The following JDP2 variants were observed in gnomAD, a reference collection of about 807,000 sequenced individuals.
JDP2 encodes the protein Jun dimerization protein 2.
A neutral mutation model predicts 17.1 loss-of-function variants in JDP2; 9 were observed. That is an observed-to-expected ratio of 0.53 (90% confidence interval 0.32 to 0.92). The LOEUF (loss-of-function observed/expected upper bound fraction) is 0.92. Among genes scored for constraint, JDP2 ranks in the 40% least tolerant of loss-of-function variants. The pLI is 0.04. For missense variants in JDP2, 179 were observed against 220.0 expected (o/e 0.81, Z 1.18); for synonymous variants, 107 against 95.6 (o/e 1.12, Z -0.69).
chr14:75,461,387 C>T, intron 2 of JDP2, 39 bp from the exon 3 acceptor site: 2 of 1,484,602 alleles, frequency 1.3e-6, no homozygotes, highest in African/African-American at 1.4e-5. Context: ...TACTCCAAGC[C>T]TGCCTCAGTG....
intron 2 of JDP2, among the ~76,000 whole-genome samples, chr14:75,451,424 G>C (rs61978925): frequency 0.012 from 1,864 of 152,288 alleles, 15 homozygotes; most frequent in South Asian, 0.04. Flanking sequence ...GAGGCAGGTA[G>C]TGAGCCCTCA....
At chr14:75,448,674 C>G (rs985132691) in intron 2 of JDP2, among the ~76,000 whole-genome samples, 1 of 152,202 alleles carries the variant, frequency 6.6e-6, no homozygotes, top group Admixed American at 6.5e-5. Context: ...ATTGCCACGT[C>G]CACGCCCTAA....
intron 3 of JDP2, 115 bp from the exon 4 acceptor site, chr14:75,469,175 C>G: frequency 1.1e-6 from 1 of 927,332 alleles, no homozygotes; most frequent in Non-Finnish European, 1.6e-6. Flanking sequence ...GTGCTTCTTC[C>G]TGCAGAAAAC....
chr14:75,434,067 C>G (rs907437741), intron 1 of JDP2, among the ~76,000 whole-genome samples: 3 of 152,214 alleles, frequency 2.0e-5, no homozygotes, highest in Non-Finnish European at 1.5e-5. Context: ...CTCTTGTCAT[C>G]TTTCCTAAGT....
At position 75,453,031 on chromosome 14, in the gene JDP2, C is replaced by G. The variant is rs988057667; in HGVS notation, c.202-8395C>G. ...GGAGGGCCTGGCCCCTGCAGGCTGCCGGGGGTCAGCAAGGGAGTTGGCTGA... is the reference window on the plus strand; with the variant it reads ...GGAGGGCCTGGCCCCTGCAGGCTGCGGGGGGTCAGCAAGGGAGTTGGCTGA... On this transcript the variant is annotated intron_variant, in intron 2 of 3. Coordinates refer to ENST00000651602, the MANE Select transcript of JDP2 (RefSeq NM_001135048.2). 1.6e-4 allele frequency among the ~76,000 whole-genome samples: 25 copies of G among 152,232 alleles called. 3 individuals carry two copies. The highest frequency in any genetic ancestry group is 1.3e-3 in the Admixed American group (20 of 15,298).
At chr14:75,465,841 T>C (rs530671632) in intron 3 of JDP2, among the ~76,000 whole-genome samples, 23 of 152,342 alleles carry the variant, frequency 1.5e-4, no homozygotes, top group African/African-American at 5.1e-4. Context: ...AATTCTATTC[T>C]AAAACAACAA....
At chr14:75,435,766 A>G (rs1472949917) in intron 1 of JDP2, among the ~76,000 whole-genome samples, 1 of 152,196 alleles carries the variant, frequency 6.6e-6, no homozygotes, top group Non-Finnish European at 1.5e-5. Context: ...CTGATGGCCC[A>G]GGGGACACGG....
At chr14:75,454,236 T>C (rs1447887921) in intron 2 of JDP2, among the ~76,000 whole-genome samples, 33 of 152,146 alleles carry the variant, frequency 2.2e-4, no homozygotes, top group Admixed American at 2.2e-3. Context: ...AATAACGTTT[T>C]TTAAAACATG....
chr14:75,440,463 C>T (rs143790619), intron 2 of JDP2, among the ~76,000 whole-genome samples: 24 of 152,312 alleles, frequency 1.6e-4, no homozygotes, highest in African/African-American at 4.1e-4. Flanking sequence ...CTGCCTTGAG[C>T]GGATTTTCAT....
rs138557201 is a variant in JDP2 at position 75,437,819 on chromosome 14, C to G, written c.-23-79C>G. On this transcript the variant is annotated intron_variant, in intron 1 of 3. Transcript: ENST00000651602. ...GAACATTGGTGAAAGAAGCCACAGT[C>G]CTGGCAAGACGAGGGACTTGAGCCC... 708 of 978,510 alleles carry G rather than the reference C, an allele frequency of 7.2e-4. 7 individuals carry two copies. The African/African-American group carries it at 0.011, about 15-fold the overall frequency. The allele number at this position is 978,510 out of a possible 1,614,324, so 60.6% of individuals were successfully genotyped here. A position where few individuals can be genotyped will look rare whatever the true frequency, so the allele number is the denominator to read the frequency against.
At chr14:75,453,567 C>T (rs539083711) in intron 2 of JDP2, among the ~76,000 whole-genome samples, 1 of 152,366 alleles carries the variant, frequency 6.6e-6, no homozygotes, top group Admixed American at 6.5e-5. Context: ...GGAACTCTTC[C>T]TGTGCTCCCG....
chr14:75,449,575 C>A (rs60817395), intron 2 of JDP2, among the ~76,000 whole-genome samples: 3 of 152,160 alleles, frequency 2.0e-5, no homozygotes, highest in Non-Finnish European at 4.4e-5. Flanking sequence ...GCCACCATTT[C>A]TCTCCTTTTC....
intron 1 of JDP2, among the ~76,000 whole-genome samples, chr14:75,433,971 G>A (rs912460761): frequency 6.6e-6 from 1 of 152,116 alleles, no homozygotes; most frequent in Non-Finnish European, 1.5e-5. Flanking sequence ...AAAACTCTGG[G>A]TTCTTCTGAA....
intron 3 of JDP2, among the ~76,000 whole-genome samples, chr14:75,467,993 T>C (rs1308706293): frequency 6.6e-6 from 1 of 151,958 alleles, no homozygotes; most frequent in Non-Finnish European, 1.5e-5. Flanking sequence ...AGACCAGCTG[T>C]GGGAGGAAGA....
Position 75,470,874 on chromosome 14 carries a change from A to G in JDP2, c.*1399A>G, listed in dbSNP as rs1886793826. 6.6e-6 allele frequency: 1 copy of G among 152,232 alleles called. No individual in the cohort carries two copies. Among genetic ancestry groups the G allele is most frequent in the African/African-American group, 2.4e-5 (1 of 41,454 alleles). The allele number at this position is 152,232 out of a possible 1,614,324, so 9.4% of individuals were successfully genotyped here. A position where few individuals can be genotyped will look rare whatever the true frequency, so the allele number is the denominator to read the frequency against. On this transcript the variant is annotated 3_prime_UTR_variant, in exon 4 of 4. Coordinates refer to ENST00000651602, the MANE Select transcript of JDP2 (RefSeq NM_001135048.2). ...TAGAGGTCCAGGGAATTAAACTCGCAGACACCATTTGTTGAAGACTTATTT... is the reference window on the plus strand; with the variant it reads ...TAGAGGTCCAGGGAATTAAACTCGCGGACACCATTTGTTGAAGACTTATTT...
intron 1 of JDP2, among the ~76,000 whole-genome samples, chr14:75,437,172 C>CAAAAA (rs11302124): frequency 1.0e-5 from 1 of 98,020 alleles, no homozygotes; most frequent in Non-Finnish European, 2.1e-5. Flanking sequence ...CCAGCCTGGG[C>CAAAAA]AAAAAAAAAA....
intron 2 of JDP2, among the ~76,000 whole-genome samples, chr14:75,442,391 G>A (rs1208143073): frequency 2.6e-5 from 4 of 152,064 alleles, no homozygotes; most frequent in East Asian, 1.9e-4. Context: ...TGAGTTCACC[G>A]CATTCCCCAC....
intron 1 of JDP2, among the ~76,000 whole-genome samples, chr14:75,435,237 G>A (rs1885008509): frequency 6.6e-6 from 1 of 152,234 alleles, no homozygotes; most frequent in African/African-American, 2.4e-5. Context: ...CCATTCCAGA[G>A]GGCTGAGAGG....
In JDP2 at chr14:75,470,755, T is replaced by C. The variant is rs1886788649; in HGVS notation, c.*1280T>C. ...CCCTTGTGGGGCCTCCAGTAAGGAG[T>C]GAATCCTGTGCTTGCTCCATAAGTT... On this transcript the variant is annotated 3_prime_UTR_variant, in exon 4 of 4. Coordinates refer to ENST00000651602, the MANE Select transcript of JDP2 (RefSeq NM_001135048.2). 1 of 152,086 alleles carries C rather than the reference T, an allele frequency of 6.6e-6. No individual in the cohort carries two copies. 9.4% of individuals were successfully genotyped at this position (152,086 alleles called of 1,614,324 possible).
Sources: allele counts gnomAD v4.1 joint callset (sites outside exome capture counted in the v4.1 genomes callset), GRCh38; gene constraint gnomAD v4.1.1; transcripts MANE v1.5; gene names NCBI Gene and HGNC (gene_info 2026-07-23, HGNC 2026-07-21).